The following SCML2 variants were observed in gnomAD, a reference collection of about 807,000 sequenced individuals.
SCML2 encodes the protein Scm polycomb group protein like 2, also known as sex comb on midleg-like protein 2.
SCML2 carries 6 observed loss-of-function variants against 48.4 expected under a neutral mutation model. That is an observed-to-expected ratio of 0.12 (90% CI 0.07 to 0.24). The LOEUF (loss-of-function observed/expected upper bound fraction) is 0.24, where lower values mean the gene tolerates loss of function less well. SCML2 is among the 10% of genes least tolerant of loss of function. The pLI is 1.00. For synonymous variants in SCML2, 181 were observed against 189.5 expected (o/e 0.95, Z 0.37); for missense variants, 377 against 528.2 (o/e 0.71, Z 2.81).
chrX:18,285,873 C>T (rs964776349), intron 7 of SCML2, among the ~76,000 whole-genome samples: 3 of 110,970 alleles, frequency 2.7e-5, no homozygotes, highest in Non-Finnish European at 5.7e-5. Flanking sequence ...TATTTACAAT[C>T]GGACCACATT....
Position 18,265,995 on chromosome X carries a change from G to A in SCML2, c.731-193C>T, listed in dbSNP as rs1026024537. Among the ~76,000 whole-genome samples, 12 of 111,610 alleles carry A rather than the reference G, an allele frequency of 1.1e-4. No individual in the cohort carries two copies. In the South Asian group the frequency reaches 1.5e-3, roughly 14 times the overall value. On this transcript the variant is annotated intron_variant, in intron 7 of 14. Transcript: ENST00000251900. ...TAAGATTTCATATTATTTGAAAATA[G>A]TTTAATTCTCCAGAAAAAATAAAGC...
chrX:18,251,707 T>C (rs1277184474), intron 11 of SCML2, among the ~76,000 whole-genome samples: 1 of 112,250 alleles, frequency 8.9e-6, no homozygotes, highest in Admixed American at 9.4e-5. Context: ...ATAACCTCTT[T>C]GGAAAAGTCT....
chrX:18,293,023 A>T (rs1378679081), intron 7 of SCML2, among the ~76,000 whole-genome samples: 3 of 111,714 alleles, frequency 2.7e-5, no homozygotes, highest in Non-Finnish European at 5.7e-5. Flanking sequence ...TGTGTAAGAG[A>T]AAAGAAAAGT....
intron 7 of SCML2, among the ~76,000 whole-genome samples, chrX:18,288,167 T>C (rs1928118549): frequency 9.0e-6 from 1 of 111,017 alleles, no homozygotes; most frequent in South Asian, 3.8e-4. Context: ...TTCTACAGAG[T>C]AACTTCCATT....
intron 1 of SCML2, among the ~76,000 whole-genome samples, chrX:18,339,904 A>G (rs1195365357): frequency 9.0e-6 from 1 of 111,679 alleles, no homozygotes; most frequent in African/African-American, 3.3e-5. Context: ...CTCCACCACC[A>G]AACAATACCT....
chrX:18,330,629 G>C lies in SCML2; in HGVS notation c.49C>G (p.Gln17Glu). 8.6e-7 allele frequency: 1 copy of C among 1,169,495 alleles called. No homozygotes were observed. The highest frequency in any genetic ancestry group is 1.2e-6 in the Non-Finnish European group (1 of 868,670). ...EDSMDVKKEN[Q>E]EKTPQSSTSS... The stretch of plus-strand genomic sequence containing the variant: ...GTACTTGACTGAGGAGTTTTCTCTT[G>C]ATTCTCCTTCTTGACATCCATGGAA... The change falls in exon 3 of 15, where the codon CAA becomes GAA. Residue 17 changes from glutamine (Q) to glutamate (E), a missense_variant. By Grantham distance (29) the Gln-to-Glu change is conservative. This residue lies in a region of SCML2 where 61 missense variants were observed against 59.9 expected (regional missense o/e 1.02). Coordinates refer to ENST00000251900, the MANE Select transcript of SCML2 (RefSeq NM_006089.3).
At chrX:18,266,877 C>T (rs1037581196) in intron 7 of SCML2, among the ~76,000 whole-genome samples, 19 of 112,062 alleles carry the variant, frequency 1.7e-4, no homozygotes, top group African/African-American at 4.9e-4. Context: ...AAGAGAGGAC[C>T]ACTTCACTGC....
chrX:18,326,132 A>G (rs1181887850), intron 3 of SCML2, among the ~76,000 whole-genome samples: 2 of 112,312 alleles, frequency 1.8e-5, no homozygotes, highest in Non-Finnish European at 3.8e-5. Context: ...GATGTACACA[A>G]TTGGCTCTCC....
intron 7 of SCML2, among the ~76,000 whole-genome samples, chrX:18,295,153 C>G (rs1602112566): frequency 8.9e-6 from 1 of 111,843 alleles, no homozygotes; most frequent in African/African-American, 3.3e-5. Flanking sequence ...CGGAGGCACA[C>G]TTGCATACAC....
At chrX:18,242,152 G>C (rs1248918877) in intron 14 of SCML2, among the ~76,000 whole-genome samples, 1 of 111,599 alleles carries the variant, frequency 9.0e-6, no homozygotes, top group Admixed American at 9.5e-5. Flanking sequence ...GAGGATCCTT[G>C]TATCTGTCAT....
At chrX:18,349,253 A>C (rs920773096) in intron 1 of SCML2, among the ~76,000 whole-genome samples, 1 of 112,302 alleles carries the variant, frequency 8.9e-6, no homozygotes, top group Non-Finnish European at 1.9e-5. Flanking sequence ...CTATAAACTT[A>C]GGAAGAGGCA....
intron 9 of SCML2, among the ~76,000 whole-genome samples, chrX:18,258,662 T>C (rs1247552241): frequency 9.0e-6 from 1 of 111,186 alleles, no homozygotes; most frequent in African/African-American, 3.3e-5. Context: ...CTATGCTCTT[T>C]TTTGGACTGA....
At chrX:18,347,723 C>CAAAAAAAA (rs749758995) in intron 1 of SCML2, among the ~76,000 whole-genome samples, 2 of 21,927 alleles carry the variant, frequency 9.1e-5, no homozygotes, top group African/African-American at 2.4e-4. Flanking sequence ...GACTCCGTCT[C>CAAAAAAAA]AAAAAAAAAA....
intron 1 of SCML2, among the ~76,000 whole-genome samples, chrX:18,335,207 A>C (rs1365513983): frequency 9.0e-6 from 1 of 111,172 alleles, no homozygotes; most frequent in African/African-American, 3.3e-5. Flanking sequence ...AATTACATTA[A>C]AATGAGTCTT....
intron 1 of SCML2, among the ~76,000 whole-genome samples, chrX:18,354,385 G>A (rs745921882): frequency 1.8e-5 from 2 of 111,994 alleles, no homozygotes; most frequent in African/African-American, 6.5e-5. Flanking sequence ...CGCGAGATCG[G>A]CTGAAGGGCG....
At chrX:18,284,122 C>A (rs1259943877) in intron 7 of SCML2, among the ~76,000 whole-genome samples, 1 of 111,698 alleles carries the variant, frequency 9.0e-6, no homozygotes, top group Non-Finnish European at 1.9e-5. Context: ...ATACCTACAA[C>A]CATCTGATCT....
At chrX:18,350,968 C>T (rs1350908534) in intron 1 of SCML2, among the ~76,000 whole-genome samples, 1 of 111,063 alleles carries the variant, frequency 9.0e-6, no homozygotes, top group Non-Finnish European at 1.9e-5. Context: ...ATAAACTCTT[C>T]CTTCAAAATT....
At chrX:18,335,783 C>A (rs1929792197) in intron 1 of SCML2, among the ~76,000 whole-genome samples, 1 of 111,764 alleles carries the variant, frequency 8.9e-6, no homozygotes, top group Admixed American at 9.5e-5. Flanking sequence ...CTGGAAGACT[C>A]AATATTCTTA....
At chrX:18,262,454 C>T (rs1449790073) in intron 8 of SCML2, among the ~76,000 whole-genome samples, 2 of 103,730 alleles carry the variant, frequency 1.9e-5, no homozygotes, top group East Asian at 6.0e-4. Context: ...GATTCTCGTG[C>T]CTCAGCTTCC....
Sources: gnomAD v4.1 joint callset for allele counts (sites outside exome capture counted in the v4.1 genomes callset) on GRCh38, gnomAD v4.1.1 for gene constraint, gnomAD v4.1.1 regional missense constraint, MANE v1.5 for transcripts, NCBI Gene and HGNC (gene_info 2026-07-23, HGNC 2026-07-21) for gene names.